Variants in EPC1 observed in about 807,000 individuals in gnomAD.
The protein encoded by EPC1 is enhancer of polycomb 1, also known as enhancer of polycomb homolog 1.
A neutral mutation model predicts 98.4 loss-of-function variants in EPC1; 12 were observed. The observed-to-expected ratio is 0.12, with a 90% CI of 0.08 to 0.20. The LOEUF is 0.20. Ranked by LOEUF, EPC1 falls within the 10% of genes least tolerant of loss-of-function variation. The pLI is 1.00. For missense variants in EPC1, 729 were observed against 990.5 expected (o/e 0.74, Z 3.54); for synonymous variants, 357 against 363.9 (o/e 0.98, Z 0.21).
At chr10:32,310,659 A>G (rs1298238846) in intron 1 of EPC1, among the ~76,000 whole-genome samples, 1 of 152,204 alleles carries the variant, frequency 6.6e-6, no homozygotes, top group Non-Finnish European at 1.5e-5. Flanking sequence ...GGCTTACCTG[A>G]GGTCAGGAGT....
chr10:32,290,483 CAAAAAAAAAAA>C (rs57193296), intron 6 of EPC1, among the ~76,000 whole-genome samples: 2 of 40,160 alleles, frequency 5.0e-5, no homozygotes, highest in African/African-American at 1.3e-4. Context: ...AAGACTCTGT[CAAAAAAAAAAA>C]AAAAAAAAAA....
At chr10:32,326,472 CTT>C (rs758147209) in intron 1 of EPC1, among the ~76,000 whole-genome samples, 10 of 152,136 alleles carry the variant, frequency 6.6e-5, no homozygotes, top group Non-Finnish European at 7.4e-5. Context: ...AGAAAAAAAA[CTT>C]TGCGTATTTT....
At chr10:32,296,906 CAA>C (rs879816360) in intron 2 of EPC1, among the ~76,000 whole-genome samples, 8 of 129,562 alleles carry the variant, frequency 6.2e-5, no homozygotes, top group Non-Finnish European at 5.0e-5. Context: ...GACTCCATCT[CAA>C]AAAAAAAAAA....
intron 1 of EPC1, among the ~76,000 whole-genome samples, chr10:32,328,991 G>A (rs1307900576): frequency 6.6e-6 from 1 of 152,216 alleles, no homozygotes; most frequent in Non-Finnish European, 1.5e-5. Flanking sequence ...GGACTTCTGA[G>A]CTGGCTTCGC....
intron 10 of EPC1, among the ~76,000 whole-genome samples, chr10:32,275,601 C>CG (rs1836042135): frequency 2.5e-5 from 1 of 40,378 alleles, no homozygotes; most frequent in Non-Finnish European, 5.1e-5. Flanking sequence ...CCCATCTCTA[C>CG]CAAAAAAAAA....
chr10:32,341,046 G>C (rs913370), intron 1 of EPC1, among the ~76,000 whole-genome samples: 16 of 152,322 alleles, frequency 1.1e-4, no homozygotes, highest in Non-Finnish European at 1.2e-4. Flanking sequence ...CCTTAGACAC[G>C]CTCAATTCTT....
Position 32,286,914 on chromosome 10 carries a change from T to G in EPC1, c.1242+12A>C. On this transcript the variant is annotated intron_variant, in intron 8 of 13. Coordinates refer to ENST00000319778, the MANE Select transcript of EPC1 (RefSeq NM_001272004.3). ...AATAGTTTGTTATTTACAAAGACAC[T>G]CTGAAACTTACAGCATAGTACTGAC... 6.2e-7 allele frequency: 1 copy of G among 1,611,136 alleles called. No homozygotes were observed. Among genetic ancestry groups the G allele is most frequent in the Non-Finnish European group, 8.5e-7 (1 of 1,179,008 alleles).
chr10:32,302,647 C>A (rs1371773790), intron 2 of EPC1, among the ~76,000 whole-genome samples: 4 of 8,714 alleles, frequency 4.6e-4, no homozygotes, highest in Non-Finnish European at 4.4e-4. Flanking sequence ...GAGACTCCAT[C>A]TCAAAAAAAA....
chr10:32,377,316 T>C (rs771832545), intron 1 of EPC1: 25 of 152,218 alleles, frequency 1.6e-4, no homozygotes, highest in Non-Finnish European at 3.4e-4. Context: ...AAGAAATCCC[T>C]AGGTTCAAAA....
chr10:32,270,113 C>A (rs1266313601), intron 13 of EPC1, among the ~76,000 whole-genome samples: 2 of 152,162 alleles, frequency 1.3e-5, no homozygotes, highest in Non-Finnish European at 1.5e-5. Context: ...AATGCTTTTT[C>A]TTTCTCCTCT....
At chr10:32,278,515 G>A (rs1398826922) in intron 10 of EPC1, among the ~76,000 whole-genome samples, 1 of 143,616 alleles carries the variant, frequency 7.0e-6, no homozygotes, top group Non-Finnish European at 1.5e-5. Flanking sequence ...CCAAGTAGCT[G>A]GGACTACAGG....
intron 4 of EPC1, 111 bp downstream of exon 4, chr10:32,292,877 A>G (rs1484011545): frequency 2.5e-6 from 2 of 802,762 alleles, no homozygotes; most frequent in Non-Finnish European, 3.7e-6. Flanking sequence ...TATTTTTCTT[A>G]TAATTGGAAA....
intron 1 of EPC1, 113 bp from the exon 2 acceptor site, chr10:32,306,044 T>C: frequency 1.1e-6 from 1 of 880,044 alleles, no homozygotes; most frequent in Admixed American, 3.3e-5. Flanking sequence ...GAGATTCTAG[T>C]AGTAGATCTT....
In EPC1 at chr10:32,268,995, G is replaced by T; in HGVS notation, c.*68C>A. 2.3e-6 allele frequency: 3 copies of T among 1,305,618 alleles called. No homozygotes were observed. The highest frequency in any genetic ancestry group is 3.3e-6 in the Non-Finnish European group (3 of 909,306). 80.9% of individuals were successfully genotyped at this position (1,305,618 alleles called of 1,614,324 possible). On this transcript the variant is annotated 3_prime_UTR_variant, in exon 14 of 14. Transcript: ENST00000319778. ...CATGTGCTGCTTTCCATCATCCCTTGCATTCAAAATGCTACTGATGCATAG... is the reference window on the plus strand; with the variant it reads ...CATGTGCTGCTTTCCATCATCCCTTTCATTCAAAATGCTACTGATGCATAG...
chr10:32,340,009 A>G (rs1310562703), intron 1 of EPC1, among the ~76,000 whole-genome samples: 4 of 152,222 alleles, frequency 2.6e-5, no homozygotes, highest in African/African-American at 9.6e-5. Flanking sequence ...TAAATCATTC[A>G]CAGGACATTT....
chr10:32,333,749 G>C (rs1001805372), intron 1 of EPC1, among the ~76,000 whole-genome samples: 1 of 124,462 alleles, frequency 8.0e-6, no homozygotes, highest in South Asian at 3.4e-4. Context: ...GTGTATCTCA[G>C]TCAGACAATA....
intron 1 of EPC1, among the ~76,000 whole-genome samples, chr10:32,375,387 A>T (rs1839850701): frequency 6.6e-6 from 1 of 152,042 alleles, no homozygotes; most frequent in Non-Finnish European, 1.5e-5. Context: ...CCTATCATCT[A>T]ATGAGTTTGG....
chr10:32,333,501 G>A (rs1837765506), intron 1 of EPC1, among the ~76,000 whole-genome samples: 1 of 152,186 alleles, frequency 6.6e-6, no homozygotes, highest in African/African-American at 2.4e-5. Context: ...CTCTTGAAGA[G>A]CAAGGACTTG....
intron 1 of EPC1, among the ~76,000 whole-genome samples, chr10:32,346,333 G>C (rs1402427603): frequency 6.6e-6 from 1 of 152,164 alleles, no homozygotes; most frequent in Non-Finnish European, 1.5e-5. Flanking sequence ...AGTGGCCCTG[G>C]AGCGCCACCC....
Sources: gnomAD v4.1 joint callset for allele counts (sites outside exome capture counted in the v4.1 genomes callset) on GRCh38, gnomAD v4.1.1 for gene constraint, MANE v1.5 for transcripts, NCBI Gene and HGNC (gene_info 2026-07-23, HGNC 2026-07-21) for gene names.